The following USP47 variants were observed in gnomAD, a reference collection of about 807,000 sequenced individuals.
The protein encoded by USP47 is ubiquitin carboxyl-terminal hydrolase 47.
Under a neutral mutation model 165.1 loss-of-function variants are expected in USP47, and 35 were observed. That is an observed-to-expected ratio of 0.21 (90% CI 0.16 to 0.28). USP47 has a LOEUF of 0.28. Ranked by LOEUF, USP47 falls within the 10% of genes least tolerant of loss-of-function variation. The probability of loss-of-function intolerance (pLI) is 1.00; values close to 1 mark genes in which losing one functional copy is unlikely to be tolerated. For synonymous variants in USP47, 531 were observed against 544.5 expected (o/e 0.98, Z 0.35); for missense variants, 1,277 against 1,607.4 (o/e 0.79, Z 3.52).
rs1255841804 is a variant in USP47, at chr11:11,942,819, G to T, written c.2798G>T (p.Ser933Ile). Residue 933 changes from serine (S) to isoleucine (I), a missense_variant, in exon 20 of 28, where the codon AGT becomes ATT. Ser to Ile is a moderately radical substitution (Grantham distance 142). Coordinates refer to ENST00000527733, the MANE Select transcript of USP47 (RefSeq NM_001282659.2). ...GACTCAGATGTGAATAATGACAGGA[G>T]TACAAGTTCAGTGGACAGTGATATT... ...RSDSDVNNDR[S>I]TSSVDSDILS... The T allele has an allele frequency of 6.2e-7, 1 of 1,613,568 alleles. No homozygotes were observed. The highest frequency in any genetic ancestry group is 8.5e-7 in the Non-Finnish European group (1 of 1,179,770).
At chr11:11,952,456 C>T (rs1445111447) in intron 24 of USP47, 1 of 180,528 alleles carries the variant, frequency 5.5e-6, no homozygotes, top group Non-Finnish European at 1.2e-5. Flanking sequence ...ATTGGAAATC[C>T]AGAGAAGAGA....
At chr11:11,868,422 T>G (rs1354503863) in intron 1 of USP47, among the ~76,000 whole-genome samples, 2 of 152,182 alleles carry the variant, frequency 1.3e-5, no homozygotes, top group African/African-American at 4.8e-5. Context: ...TTTTTAAAAT[T>G]TAGTATAATT....
Position 11,936,318 on chromosome 11 carries a change from G to A in USP47, c.1885G>A (p.Glu629Lys). The change falls in exon 17 of 28, where the codon GAG (glutamate) becomes AAG (lysine). Residue 629 changes from glutamate (E) to lysine (K), a missense_variant. This residue lies in a region of USP47 where 909 missense variants were observed against 1,068.1 expected (regional missense o/e 0.85). Coordinates refer to ENST00000527733, the MANE Select transcript of USP47 (RefSeq NM_001282659.2). ...EMAYKMMDLE[E>K]VIPLDCCRLV... ...TTTCTTTTAGATGATGGATTTAGAAGAGGTAATACCCCTGGATTGCTGTCG... is the reference window on the plus strand; with the variant it reads ...TTTCTTTTAGATGATGGATTTAGAAAAGGTAATACCCCTGGATTGCTGTCG... The A allele has an allele frequency of 6.4e-7, 1 of 1,559,400 alleles. No homozygotes were observed.
At chr11:11,923,888 T>C (rs976384090) in intron 11 of USP47, among the ~76,000 whole-genome samples, 3 of 152,192 alleles carry the variant, frequency 2.0e-5, no homozygotes, top group Non-Finnish European at 4.4e-5. Flanking sequence ...CTAGCAGGAG[T>C]TGGCAAACTA....
chr11:11,903,911 A>T (rs1353119346), intron 7 of USP47, among the ~76,000 whole-genome samples: 4 of 152,156 alleles, frequency 2.6e-5, no homozygotes, highest in Admixed American at 2.6e-4. Flanking sequence ...TACTGGGTAT[A>T]GTAAATGAAG....
At chr11:11,936,745 T>C (rs1855101121) in intron 17 of USP47, among the ~76,000 whole-genome samples, 1 of 151,936 alleles carries the variant, frequency 6.6e-6, no homozygotes, top group Admixed American at 6.6e-5. Flanking sequence ...GCTTCTAGCT[T>C]ACGGTCTTCA....
intron 8 of USP47, among the ~76,000 whole-genome samples, chr11:11,912,113 A>G (rs939104506): frequency 6.6e-6 from 1 of 151,942 alleles, no homozygotes; most frequent in African/African-American, 2.4e-5. Flanking sequence ...TGCTTATACT[A>G]AAAGACAGGA....
chr11:11,933,060 A>G lies in USP47; in HGVS notation c.1708A>G (p.Arg570Gly), dbSNP rs1253196018. 2 of 1,613,448 alleles carry G rather than the reference A, an allele frequency of 1.2e-6. No individual in the cohort carries two copies. The highest frequency in any genetic ancestry group is 1.7e-6 in the Non-Finnish European group (2 of 1,179,620). ...TATTAAAAACTTGGTGCAGAAAGAG[A>G]GAGAGTTGGAAGAACAAGAAAAGAG... ...EHIKNLVQKERELEEQEKRQR... is the reference protein window; with the variant it reads ...EHIKNLVQKEGELEEQEKRQR... Residue 570 changes from arginine to glycine, a missense_variant, in exon 15 of 28, where the codon AGA becomes GGA. Physicochemically the swap from Arg to Gly is moderately radical, Grantham distance 125 (BLOSUM62 -2). Around this residue, in one of 4 missense-constraint regions of USP47, gnomAD observed 909 missense variants for 1,068.1 expected, o/e 0.85. Transcript: ENST00000527733.
rs1372001489 is a variant in USP47 at position 11,959,616 on chromosome 11, T to TTCAGAAACAAGA, written c.*3442_*3453dup. Among the ~76,000 whole-genome samples the TTCAGAAACAAGA allele has an allele frequency of 1.3e-5, 2 of 152,192 alleles. No individual in the cohort carries two copies. The highest frequency in any genetic ancestry group is 4.8e-5 in the African/African-American group (2 of 41,446). ...CAGCATTAATTGTCACAACTTGACT[T>TTCAGAAACAAGA]TCAGAAACAAGAATACTGCACAAAC... On this transcript the variant is annotated 3_prime_UTR_variant, in exon 28 of 28. Transcript: ENST00000527733.
At chr11:11,848,607 A>ATTTT (rs35165430) in intron 1 of USP47, among the ~76,000 whole-genome samples, 1 of 113,480 alleles carries the variant, frequency 8.8e-6, no homozygotes, top group Non-Finnish European at 1.8e-5. Flanking sequence ...TGAAACTGGC[A>ATTTT]TTTTTTTTTT....
rs980996580 is a variant in USP47 at position 11,956,790 on chromosome 11, C to T, written c.*615C>T. ...TATTAAGAACATTATTCTGGAACAT[C>T]AGAACGTTTCCCTTAGACCGATCCC... On this transcript the variant is annotated 3_prime_UTR_variant, in exon 28 of 28. Transcript: ENST00000527733. 1.3e-5 allele frequency: 2 copies of T among 152,612 alleles called. No homozygotes were observed. Among genetic ancestry groups the T allele is most frequent in the African/African-American group, 4.8e-5 (2 of 41,458 alleles). 9.5% of individuals were successfully genotyped at this position (152,612 alleles called of 1,614,324 possible).
chr11:11,952,569 G>A, intron 24 of USP47, 172 bp from the exon 25 acceptor site: 1 of 534,524 alleles, frequency 1.9e-6, no homozygotes, highest in Non-Finnish European at 3.0e-6. Context: ...AGAGAAGAGA[G>A]TAAATATTTC....
chr11:11,952,654 T>C, intron 24 of USP47, 87 bp from the exon 25 acceptor site: 1 of 1,334,720 alleles, frequency 7.5e-7, no homozygotes, highest in Non-Finnish European at 9.8e-7. Context: ...GAAGTAAATC[T>C]TTTTGTTTAG....
chr11:11,951,752 G>A (rs1856241123), intron 24 of USP47: 1 of 152,092 alleles, frequency 6.6e-6, no homozygotes, highest in African/African-American at 2.4e-5. Flanking sequence ...CTGATTAATT[G>A]ACAAGTTAAG....
intron 1 of USP47, among the ~76,000 whole-genome samples, chr11:11,864,759 T>C (rs1003719671): frequency 2.6e-5 from 4 of 152,128 alleles, no homozygotes; most frequent in Admixed American, 2.0e-4. Flanking sequence ...TATAATCTTA[T>C]TTTTAATGTA....
intron 10 of USP47, 35 bp downstream of exon 10, chr11:11,920,529 A>G (rs946876530): frequency 6.4e-7 from 1 of 1,568,884 alleles, no homozygotes; most frequent in African/African-American, 1.4e-5. Context: ...TTTTTCATTA[A>G]TCCACATTAG....
chr11:11,934,110 T>C (rs1029274291), intron 16 of USP47, among the ~76,000 whole-genome samples, 175 bp downstream of exon 16: 4 of 152,122 alleles, frequency 2.6e-5, no homozygotes, highest in Non-Finnish European at 4.4e-5. Flanking sequence ...AGTCAGTTGA[T>C]TTTGAAAATT....
At chr11:11,857,955 A>G (rs528190693) in intron 1 of USP47, among the ~76,000 whole-genome samples, 67 of 149,532 alleles carry the variant, frequency 4.5e-4, no homozygotes, top group Non-Finnish European at 4.2e-4. Context: ...AGATGTTTGC[A>G]TAGGAGAGTG....
At chr11:11,884,869 A>G (rs888684964) in intron 3 of USP47, among the ~76,000 whole-genome samples, 2 of 152,142 alleles carry the variant, frequency 1.3e-5, no homozygotes, top group Non-Finnish European at 2.9e-5. Flanking sequence ...AGGATAAGTC[A>G]AAGTGCCACA....
Sources: allele counts gnomAD v4.1 joint callset (sites outside exome capture counted in the v4.1 genomes callset), GRCh38; gene constraint gnomAD v4.1.1; regional missense constraint gnomAD v4.1.1; transcripts MANE v1.5; gene names NCBI Gene and HGNC (gene_info 2026-07-23, HGNC 2026-07-21).